PDK3: variants seen among roughly 807,000 people sequenced by gnomAD.
The protein encoded by PDK3 is pyruvate dehydrogenase kinase 3, also known as pyruvate dehydrogenase kinase, isozyme 3.
Under a neutral mutation model 32.0 loss-of-function variants are expected in PDK3, and 12 were observed. The observed-to-expected ratio is 0.37, with a 90% confidence interval of 0.24 to 0.61. The LOEUF (loss-of-function observed/expected upper bound fraction) is 0.61. Among genes scored for constraint, PDK3 ranks in the 20% least tolerant of loss-of-function variants. The pLI is 0.65. For synonymous variants in PDK3, 122 were observed against 116.3 expected, an observed-to-expected ratio of 1.05 and a Z score of -0.31; for missense variants, 188 against 316.9, an observed-to-expected ratio of 0.59 and a Z score of 3.09.
chrX:24,465,366 C>T lies in PDK3; in HGVS notation c.-90C>T, dbSNP rs986981211. ...GAGATCGAGGCCGGGGTGCGCGCTTCGCAAACGTGCCCTATCCGTGCGGCT... is the reference window on the plus strand; with the variant it reads ...GAGATCGAGGCCGGGGTGCGCGCTTTGCAAACGTGCCCTATCCGTGCGGCT... On this transcript the variant is annotated 5_prime_UTR_variant, in exon 1 of 11. Coordinates refer to ENST00000379162, the MANE Select transcript of PDK3 (RefSeq NM_005391.5). 1.6e-6 allele frequency: 1 copy of T among 623,105 alleles called. No homozygotes were observed. The highest frequency in any genetic ancestry group is 2.4e-6 in the Non-Finnish European group (1 of 422,458). The allele number at this position is 623,105 out of a possible 1,213,427, so 51.4% of individuals were successfully genotyped here.
At chrX:24,498,349 C>T (rs1415295733) in intron 2 of PDK3, among the ~76,000 whole-genome samples, 2 of 111,561 alleles carry the variant, frequency 1.8e-5, no homozygotes, top group Non-Finnish European at 3.8e-5. Context: ...GCCCTGCTTT[C>T]GATGGTGCTG....
At chrX:24,520,494 C>T (rs1922370124) in intron 6 of PDK3, among the ~76,000 whole-genome samples, 1 of 112,318 alleles carries the variant, frequency 8.9e-6, no homozygotes, top group Non-Finnish European at 1.9e-5. Context: ...ATACAAATAG[C>T]AGCTCTCTGG....
chrX:24,529,529 G>A (rs141516405), intron 9 of PDK3, among the ~76,000 whole-genome samples: 3 of 111,076 alleles, frequency 2.7e-5, no homozygotes, highest in African/African-American at 9.8e-5. Flanking sequence ...AGGCCAAGGC[G>A]GGTGGATCAC....
At chrX:24,501,605 T>G (rs1389213789) in intron 3 of PDK3, among the ~76,000 whole-genome samples, 1 of 112,117 alleles carries the variant, frequency 8.9e-6, no homozygotes, top group Non-Finnish European at 1.9e-5. Flanking sequence ...TCCCAGGTAC[T>G]TTGGGAGGCT....
At chrX:24,494,944 A>G in intron 2 of PDK3, 61 bp downstream of exon 2, 1 of 1,041,847 alleles carries the variant, frequency 9.6e-7, no homozygotes, top group Non-Finnish European at 1.3e-6. Context: ...TTTGGCAGCG[A>G]GACCATTCTC....
rs772546760 is a variant in PDK3 at position 24,533,976 on chromosome X, C to T, written c.1125C>T (p.Ser375=). The T allele has an allele frequency of 6.6e-6, 8 of 1,206,702 alleles. No individual in the cohort carries two copies. Among genetic ancestry groups the T allele is most frequent in the South Asian group, 5.3e-5 (3 of 56,191 alleles). ...AGAGACTTCCAGTTTTTAATAAGTC[C>T]GCATGGCGCCATTACAAGACCACGC... ...SFERLPVFNK[S]AWRHYKTTPE... Residue 375 remains serine (S), a synonymous_variant, in exon 11 of 11, where the codon TCC becomes TCT. Coordinates refer to ENST00000379162, the MANE Select transcript of PDK3 (RefSeq NM_005391.5).
rs759580086 is a variant in PDK3, at chrX:24,526,205, G to A, written c.681G>A (p.Ala227=). The A allele has an allele frequency of 2.0e-5, 24 of 1,201,740 alleles. No individual in the cohort carries two copies. The highest frequency in any genetic ancestry group is 1.4e-4 in the South Asian group (8 of 56,321). The change falls in exon 7 of 11, where the codon GCG becomes GCA. Residue 227 remains alanine (A), a synonymous_variant. Transcript: ENST00000379162. ...TTTTGTCTCTGTTTTCAGCCAAAGC[G>A]CCAGACAAACCTATTCAGGTGGTTT... ...ELEVEEFNAK[A]PDKPIQVVYV... is the part of the protein sequence containing the mutation.
At chrX:24,472,675 C>CTTTTTTTTTTTTTTTT (rs761538432) in intron 1 of PDK3, among the ~76,000 whole-genome samples, 4 of 49,717 alleles carry the variant, frequency 8.0e-5, no homozygotes, top group African/African-American at 1.8e-4. Context: ...TTCTTTCTTT[C>CTTTTTTTTTTTTTTTT]TTTTTTTTTT....
At chrX:24,539,536 T>C (rs1363875544) in exon 12 of PDK3, 1 of 136,712 alleles carries the variant, frequency 7.3e-6, no homozygotes, top group African/African-American at 3.1e-5. Flanking sequence ...CAGATCGTAC[T>C]GTTGCTCCTT....
intron 2 of PDK3, among the ~76,000 whole-genome samples, chrX:24,498,475 C>T (rs1921772039): frequency 8.9e-6 from 1 of 112,284 alleles, no homozygotes; most frequent in East Asian, 2.8e-4. Context: ...TGCCAAAGTC[C>T]TCTAGCGAGT....
rs774895753 is a variant in PDK3 at position 24,516,083 on chromosome X, T to C, written c.596-2850T>C. ...TGAACTAAAATTTATAGTCTGAACA[T>C]ACCCTAATCTTATCTTTGTATTATT... On this transcript the variant is annotated intron_variant, in intron 5 of 10. Coordinates refer to ENST00000379162, the MANE Select transcript of PDK3 (RefSeq NM_005391.5). 5.4e-5 allele frequency among the ~76,000 whole-genome samples: 6 copies of C among 112,031 alleles called. No homozygotes were observed. In the Admixed American group the frequency reaches 5.7e-4, roughly 11 times the overall value.
chrX:24,501,351 A>G (rs1358322550), intron 3 of PDK3, among the ~76,000 whole-genome samples: 2 of 112,777 alleles, frequency 1.8e-5, no homozygotes, highest in Admixed American at 9.4e-5. Flanking sequence ...TTGATCTTCT[A>G]TCACTGGATT....
At chrX:24,471,076 G>A (rs1161393136) in intron 1 of PDK3, among the ~76,000 whole-genome samples, 1 of 110,791 alleles carries the variant, frequency 9.0e-6, no homozygotes, top group Non-Finnish European at 1.9e-5. Context: ...CTAGGGGAGA[G>A]ATAGCATTAG....
intron 1 of PDK3, among the ~76,000 whole-genome samples, chrX:24,482,204 GGTTT>G (rs1483133115): frequency 6.3e-5 from 7 of 111,264 alleles, no homozygotes; most frequent in African/African-American, 2.0e-4. Flanking sequence ...GGTAGAGTGA[GGTTT>G]GTTTGTTTGT....
exon 12 of PDK3, chrX:24,545,380 C>T (rs1922976028): frequency 8.9e-6 from 1 of 112,064 alleles, no homozygotes; most frequent in South Asian, 3.8e-4. Flanking sequence ...GACCTGGAGC[C>T]CACCACCAAA....
At position 24,533,979 on chromosome X, in the gene PDK3, A is replaced by T. The variant is rs746656692; in HGVS notation, c.1128A>T (p.Ala376=). The T allele has an allele frequency of 1.7e-6, 2 of 1,208,569 alleles. No individual in the cohort carries two copies. Among genetic ancestry groups the T allele is most frequent in the South Asian group, 1.8e-5 (1 of 56,509 alleles). The part of the protein sequence containing the change: ...FERLPVFNKS[A]WRHYKTTPEA... ...GACTTCCAGTTTTTAATAAGTCCGCATGGCGCCATTACAAGACCACGCCTG... is the reference window on the plus strand; with the variant it reads ...GACTTCCAGTTTTTAATAAGTCCGCTTGGCGCCATTACAAGACCACGCCTG... The change falls in exon 11 of 11, where the codon GCA becomes GCT. Residue 376 remains alanine, a synonymous_variant. Coordinates refer to ENST00000379162, the MANE Select transcript of PDK3 (RefSeq NM_005391.5).
chrX:24,544,052 G>A (rs945295772), exon 12 of PDK3, among the ~76,000 whole-genome samples: 2 of 111,409 alleles, frequency 1.8e-5, no homozygotes, highest in African/African-American at 6.5e-5. Flanking sequence ...TCTTTTGAGC[G>A]AGACATGTTT....
chrX:24,506,793 T>TTCTC (rs1921988592), intron 5 of PDK3, among the ~76,000 whole-genome samples: 1 of 95,147 alleles, frequency 1.1e-5, no homozygotes, highest in African/African-American at 3.9e-5. Context: ...CATTTTGTTT[T>TTCTC]TTTCTTTCTT....
chrX:24,521,273 T>C (rs780678583), intron 6 of PDK3, among the ~76,000 whole-genome samples: 1 of 81,083 alleles, frequency 1.2e-5, no homozygotes, highest in Non-Finnish European at 2.4e-5. Context: ...AGCAAGACTC[T>C]GTCTCAAAAA....
Sources: gnomAD v4.1 joint callset for allele counts (sites outside exome capture counted in the v4.1 genomes callset) on GRCh38, gnomAD v4.1.1 for gene constraint, MANE v1.5 for transcripts, NCBI Gene and HGNC (gene_info 2026-07-23, HGNC 2026-07-21) for gene names.